The following NPNT variants were observed in gnomAD, a reference collection of about 807,000 sequenced individuals.
NPNT encodes the protein nephronectin.
Under a neutral mutation model 68.6 loss-of-function variants are expected in NPNT, and 45 were observed. The ratio of observed to expected loss-of-function variants is 0.66; its 90% CI spans 0.52 to 0.84. The LOEUF (loss-of-function observed/expected upper bound fraction) is 0.84. Among genes scored for constraint, NPNT ranks in the 40% least tolerant of loss-of-function variants. The pLI is 0.00. For synonymous variants in NPNT, 233 were observed against 253.3 expected (o/e 0.92, Z 0.76); for missense variants, 672 against 714.8 (o/e 0.94, Z 0.68).
rs759130175 is a variant in NPNT at position 105,942,352 on chromosome 4, C to G, written c.809C>G (p.Pro270Arg). 5 of 1,611,994 alleles carry G rather than the reference C, an allele frequency of 3.1e-6. No individual in the cohort carries two copies. The highest frequency in any genetic ancestry group is 4.2e-6 in the Non-Finnish European group (5 of 1,178,812). The change falls in exon 8 of 12, where the codon CCA becomes CGA. Residue 270 changes from proline to arginine, a missense_variant. Coordinates refer to ENST00000379987, the MANE Select transcript of NPNT (RefSeq NM_001033047.3). ...MIEPSGPIHV[P>R]KGNGTILKGD... ...GAACCTTCAGGTCCAATTCATGTAC[C>G]AAAGGGAAATGGTACCATTTTAAAG...
chr4:105,926,013 C>G (rs1374663741), intron 2 of NPNT, among the ~76,000 whole-genome samples: 3 of 152,166 alleles, frequency 2.0e-5, no homozygotes, highest in Non-Finnish European at 2.9e-5. Flanking sequence ...TCTTCCTCCA[C>G]CATTTACCCA....
intron 2 of NPNT, among the ~76,000 whole-genome samples, chr4:105,918,033 G>A (rs1474109717): frequency 6.6e-6 from 1 of 152,194 alleles, no homozygotes; most frequent in Non-Finnish European, 1.5e-5. Context: ...AGTCCATGAT[G>A]TTGGACACAG....
chr4:105,895,535 G>T lies in NPNT; in HGVS notation c.-118G>T. ...CCTCCGGGAGCGGCAGCAGTAGCCC[G>T]GGCGGCGAGGGCTGGGGGTTCCTCG... On this transcript the variant is annotated 5_prime_UTR_variant, in exon 1 of 12. Coordinates refer to ENST00000379987, the MANE Select transcript of NPNT (RefSeq NM_001033047.3). 2 of 802,522 alleles carry T rather than the reference G, an allele frequency of 2.5e-6. No individual in the cohort carries two copies. 49.7% of individuals were successfully genotyped at this position (802,522 alleles called of 1,614,324 possible). A position where few individuals can be genotyped will look rare whatever the true frequency, so the allele number is the denominator to read the frequency against.
chr4:105,970,639 T>C lies in NPNT; in HGVS notation c.*1649T>C. 1.6e-6 allele frequency: 1 copy of C among 611,008 alleles called. No homozygotes were observed. Among genetic ancestry groups the C allele is most frequent in the African/African-American group, 1.8e-5 (1 of 54,606 alleles). The allele number at this position is 611,008 out of a possible 1,614,324, so 37.8% of individuals were successfully genotyped here. On this transcript the variant is annotated 3_prime_UTR_variant, in exon 12 of 12. Coordinates refer to ENST00000379987, the MANE Select transcript of NPNT (RefSeq NM_001033047.3). ...CAGGGGCCATTGTTAGAATACTTCATAAAAAAAGAAGTGTGAAAATCTCAG... is the reference window on the plus strand; with the variant it reads ...CAGGGGCCATTGTTAGAATACTTCACAAAAAAAGAAGTGTGAAAATCTCAG...
At chr4:105,967,122 G>T in intron 10 of NPNT, 66 bp from the exon 11 acceptor site, 4 of 1,406,072 alleles carry the variant, frequency 2.8e-6, no homozygotes, top group Non-Finnish European at 3.9e-6. Flanking sequence ...TAAAACTCCT[G>T]TCCATGCTGC....
At chr4:105,919,725 T>A (rs915508122) in intron 2 of NPNT, among the ~76,000 whole-genome samples, 23 of 152,138 alleles carry the variant, frequency 1.5e-4, no homozygotes, top group African/African-American at 4.3e-4. Context: ...AAGAATATTA[T>A]ATATAGATGA....
At chr4:105,898,239 C>A in intron 2 of NPNT, 3 of 317,680 alleles carry the variant, frequency 9.4e-6, no homozygotes, top group Non-Finnish European at 1.1e-5. Context: ...TTTCTTTTAG[C>A]ATTTTTCCCC....
chr4:105,953,938 T>C (rs1423617248), intron 8 of NPNT, among the ~76,000 whole-genome samples: 1 of 152,224 alleles, frequency 6.6e-6, no homozygotes, highest in African/African-American at 2.4e-5. Flanking sequence ...CTATAGTTAC[T>C]CTTGGCAAGA....
At chr4:105,945,705 T>C (rs189162893) in intron 8 of NPNT, among the ~76,000 whole-genome samples, 6 of 152,332 alleles carry the variant, frequency 3.9e-5, no homozygotes, top group Admixed American at 1.3e-4. Context: ...TTTATCCAAA[T>C]AACTTATGGA....
At chr4:105,965,121 T>C (rs1383091338) in intron 10 of NPNT, among the ~76,000 whole-genome samples, 1 of 152,162 alleles carries the variant, frequency 6.6e-6, no homozygotes, top group Non-Finnish European at 1.5e-5. Context: ...ATAACCCAAC[T>C]TTCTGGTCAA....
intron 2 of NPNT, among the ~76,000 whole-genome samples, chr4:105,926,434 G>A (rs1340490290): frequency 6.6e-6 from 1 of 152,024 alleles, no homozygotes; most frequent in Non-Finnish European, 1.5e-5. Context: ...GTGGCGGGTT[G>A]TCTGAACATT....
At chr4:105,927,159 C>A in intron 2 of NPNT, 177 bp from the exon 3 acceptor site, 1 of 475,058 alleles carries the variant, frequency 2.1e-6, no homozygotes, top group Non-Finnish European at 3.8e-6. Context: ...ATACATAACA[C>A]ATGTGTGTGT....
At chr4:105,912,318 C>A in intron 2 of NPNT, 2 of 979,890 alleles carry the variant, frequency 2.0e-6, no homozygotes, top group Non-Finnish European at 3.0e-6. Flanking sequence ...TTTTACAAAG[C>A]TGTAAACAAA....
rs545466885 is a variant in NPNT, at chr4:105,927,123, G to C, written c.173-213G>C. 1.6e-5 allele frequency: 5 copies of C among 314,578 alleles called. No individual in the cohort carries two copies. In the South Asian group the frequency reaches 5.4e-4, roughly 34 times the overall value. The allele number at this position is 314,578 out of a possible 1,614,324, so 19.5% of individuals were successfully genotyped here. On this transcript the variant is annotated intron_variant, in intron 2 of 11. Coordinates refer to ENST00000379987, the MANE Select transcript of NPNT (RefSeq NM_001033047.3). ...GTCCTTGAATTTAAAATTTTTTTCA[G>C]CCCCAACTGATACACACACATATAC...
At chr4:105,956,765 AAG>A (rs997486763) in intron 8 of NPNT, among the ~76,000 whole-genome samples, 5 of 152,140 alleles carry the variant, frequency 3.3e-5, no homozygotes, top group Admixed American at 6.5e-5. Context: ...TGGGCTATAA[AAG>A]AGAGAGTGGG....
At chr4:105,897,573 G>A (rs1360685480) in intron 1 of NPNT, among the ~76,000 whole-genome samples, 1 of 152,154 alleles carries the variant, frequency 6.6e-6, no homozygotes, top group Non-Finnish European at 1.5e-5. Flanking sequence ...TTTATTTCAA[G>A]CTTCAGAAAC....
Position 105,940,092 on chromosome 4 carries a change from AC to A in NPNT, c.524del (p.Thr175LysfsTer41), listed in dbSNP as rs1489539789. ...RTCVDVDECA[T>X]GRASCPRFRQ... ...GTTTCTAGATGTTGATGAATGTGCT[AC>A]AGGAAGAGCCTCCTGCCCTAGATTT... is the stretch of plus-strand genomic sequence containing the variant. On this transcript the variant is annotated frameshift_variant, in exon 6 of 12. Transcript: ENST00000379987. LOFTEE classifies it high-confidence loss of function. 5 of 1,613,220 alleles carry A rather than the reference AC, an allele frequency of 3.1e-6. No individual in the cohort carries two copies. In the Admixed American group the frequency reaches 6.7e-5, roughly 22 times the overall value.
chr4:105,945,483 C>G (rs944295847), intron 8 of NPNT, among the ~76,000 whole-genome samples: 24 of 152,304 alleles, frequency 1.6e-4, no homozygotes, highest in African/African-American at 5.5e-4. Flanking sequence ...CTCAGCCTTT[C>G]TTATCCCAGG....
At position 105,959,938 on chromosome 4, in the gene NPNT, T is replaced by C. The variant is rs189574921; in HGVS notation, c.1345+812T>C. 1.1e-3 allele frequency among the ~76,000 whole-genome samples: 165 copies of C among 152,010 alleles called. 3 individuals are homozygous for C. The East Asian group carries it at 0.027, about 25-fold the overall frequency. On this transcript the variant is annotated intron_variant, in intron 10 of 11. Transcript: ENST00000379987. The stretch of plus-strand genomic sequence containing the variant: ...AATTCTCCTGCCTCAGCCTCCCAAG[T>C]AGCTGGGACTACAGGCATGTGCCAC...
Sources: gnomAD v4.1 joint callset for allele counts (sites outside exome capture counted in the v4.1 genomes callset) on GRCh38, gnomAD v4.1.1 for gene constraint, MANE v1.5 for transcripts, NCBI Gene and HGNC (gene_info 2026-07-23, HGNC 2026-07-21) for gene names.